GTF3C5: variants seen among roughly 807,000 people sequenced by gnomAD.
GTF3C5 encodes general transcription factor 3C polypeptide 5.
A neutral mutation model predicts 61.0 loss-of-function variants in GTF3C5; 47 were observed. That is an observed-to-expected ratio of 0.77 (90% CI 0.61 to 0.98). GTF3C5 has a LOEUF of 0.98. Among genes scored for constraint, GTF3C5 ranks in the 50% least tolerant of loss-of-function variants. The pLI, the probability that GTF3C5 is intolerant of heterozygous loss-of-function variation, is 0.00. For synonymous variants in GTF3C5, 295 were observed against 275.4 expected (o/e 1.07, Z -0.71); for missense variants, 659 against 703.3 (o/e 0.94, Z 0.71).
chr9:133,056,967 A>G, intron 10 of GTF3C5, 59 bp downstream of exon 10: 1 of 1,476,214 alleles, frequency 6.8e-7, no homozygotes, highest in East Asian at 2.5e-5. Flanking sequence ...TTTGAGACAG[A>G]GGTGTCCCTA....
At chr9:133,049,517 T>A (rs1850309291) in intron 3 of GTF3C5, among the ~76,000 whole-genome samples, 1 of 152,008 alleles carries the variant, frequency 6.6e-6, no homozygotes, top group South Asian at 2.1e-4. Flanking sequence ...ATCACCCGAG[T>A]GAATTTGATG....
In GTF3C5 at chr9:133,056,205, C is replaced by T. The variant is rs925341158; in HGVS notation, c.1250+111C>T. On this transcript the variant is annotated intron_variant, in intron 9 of 10. Transcript: ENST00000372097. Reference sequence around the variant, plus strand: ...TCGGCCTTCATCTCCGGCAAGAGCACTCGCCTGTCTGGGAGTTTGGTGCTG... The same window carrying T: ...TCGGCCTTCATCTCCGGCAAGAGCATTCGCCTGTCTGGGAGTTTGGTGCTG... 5.9e-6 allele frequency: 5 copies of T among 845,510 alleles called. No individual in the cohort carries two copies. In the African/African-American group the frequency reaches 8.4e-5, roughly 14 times the overall value. 52.4% of individuals were successfully genotyped at this position (845,510 alleles called of 1,614,324 possible). A position where few individuals can be genotyped will look rare whatever the true frequency, so the allele number is the denominator to read the frequency against.
In GTF3C5 at chr9:133,049,235, G is replaced by A. The variant is rs368387127; in HGVS notation, c.573-1548G>A. ...GTCTGGGGATGCAGCCAAGGCTGCC[G>A]CAGCCTCTCCCTACAGGGTTGGGCA... On this transcript the variant is annotated intron_variant, in intron 3 of 10. Transcript: ENST00000372097. 5.3e-3 allele frequency among the ~76,000 whole-genome samples: 815 copies of A among 152,342 alleles called. 7 individuals carry two copies. The highest frequency in any genetic ancestry group is 0.019 in the African/African-American group (789 of 41,584).
chr9:133,054,907 C>T (rs879727352), intron 8 of GTF3C5, 98 bp downstream of exon 8: 23 of 1,542,460 alleles, frequency 1.5e-5, no homozygotes, highest in Non-Finnish European at 1.8e-5. Context: ...TAGGGCAGCT[C>T]TGCCCACCGG....
At position 133,058,286 on chromosome 9, in the gene GTF3C5, A is replaced by C; in HGVS notation, c.*306A>C. The C allele has an allele frequency of 2.0e-6, 1 of 492,676 alleles. No individual in the cohort carries two copies. Among genetic ancestry groups the C allele is most frequent in the South Asian group, 3.9e-5 (1 of 25,630 alleles). 30.5% of individuals were successfully genotyped at this position (492,676 alleles called of 1,614,324 possible). On this transcript the variant is annotated 3_prime_UTR_variant, in exon 11 of 11. Transcript: ENST00000372097. ...CAATGCCTCTCAGGATGAGACCAGTAAATGCCGGAGGTGGAGCTGGGCAGC... is the reference window on the plus strand; with the variant it reads ...CAATGCCTCTCAGGATGAGACCAGTCAATGCCGGAGGTGGAGCTGGGCAGC...
rs540601176 is a variant in GTF3C5 at position 133,036,954 on chromosome 9, C to T, written c.154-5133C>T. On this transcript the variant is annotated intron_variant, in intron 1 of 10. Coordinates refer to ENST00000372097, the MANE Select transcript of GTF3C5 (RefSeq NM_012087.4). The stretch of plus-strand genomic sequence containing the variant: ...CCTTGCAAATGGTTAAGGAGGTGGA[C>T]GGAGAGGGCAGCTATCCGTTCTGTA... Among the ~76,000 whole-genome samples, 8 of 152,106 alleles carry T rather than the reference C, an allele frequency of 5.3e-5. No individual in the cohort carries two copies. The South Asian group carries it at 6.2e-4, about 12-fold the overall frequency.
In GTF3C5 at chr9:133,052,150, A is replaced by G. The variant is rs1427395097; in HGVS notation, c.859A>G (p.Ile287Val). 11 of 1,585,190 alleles carry G rather than the reference A, an allele frequency of 6.9e-6. No individual in the cohort carries two copies. The highest frequency in any genetic ancestry group is 1.1e-5 in the South Asian group (1 of 89,474). ...PDKLKVLLPFIAYYMITGPWR... is the reference protein window; with the variant it reads ...PDKLKVLLPFVAYYMITGPWR... ...CAAGCTCAAGGTCTTGCTTCCCTTCATAGCCTATTACATGGTAAGTGTCAG... is the reference window on the plus strand; with the variant it reads ...CAAGCTCAAGGTCTTGCTTCCCTTCGTAGCCTATTACATGGTAAGTGTCAG... Residue 287 changes from isoleucine (I) to valine (V), a missense_variant, in exon 5 of 11, where the codon ATA becomes GTA. Coordinates refer to ENST00000372097, the MANE Select transcript of GTF3C5 (RefSeq NM_012087.4).
At chr9:133,040,150 T>G (rs183725272) in intron 1 of GTF3C5, among the ~76,000 whole-genome samples, 13 of 152,320 alleles carry the variant, frequency 8.5e-5, no homozygotes, top group Admixed American at 2.0e-4. Flanking sequence ...TTCTCATGTT[T>G]CTTGAGCACC....
chr9:133,055,468 G>A (rs950448439), intron 8 of GTF3C5: 20 of 1,216,700 alleles, frequency 1.6e-5, no homozygotes, highest in Middle Eastern at 4.9e-4. Context: ...TGCCTTCCCA[G>A]TGAGGGGCGA....
chr9:133,052,240 G>A (rs887003034), intron 5 of GTF3C5, 76 bp downstream of exon 5: 14 of 772,124 alleles, frequency 1.8e-5, no homozygotes, highest in African/African-American at 1.2e-4. Context: ...ATGTCTTAGA[G>A]CCACAGTAAG....
chr9:133,050,950 A>G lies in GTF3C5; in HGVS notation c.740A>G (p.Asp247Gly). The G allele has an allele frequency of 6.2e-7, 1 of 1,611,616 alleles. No homozygotes were observed. The highest frequency in any genetic ancestry group is 8.5e-7 in the Non-Finnish European group (1 of 1,178,950). ...TWRRVCTNPV[D>G]RKVEEELRKL... ...AGGAGAGTCTGCACTAACCCCGTGG[A>G]CCGGAAGGTGGAGGAGGAGCTGAGG... The change falls in exon 4 of 11, where the codon GAC (aspartate) becomes GGC (glycine). Residue 247 changes from aspartate to glycine, a missense_variant. By Grantham distance (94) the Asp-to-Gly change is moderately conservative. Coordinates refer to ENST00000372097, the MANE Select transcript of GTF3C5 (RefSeq NM_012087.4).
chr9:133,048,828 C>T (rs532782628), intron 3 of GTF3C5, among the ~76,000 whole-genome samples: 1 of 152,330 alleles, frequency 6.6e-6, no homozygotes, highest in Non-Finnish European at 1.5e-5. Flanking sequence ...CCCCAAGGCC[C>T]CCCTCCCTCC....
intron 1 of GTF3C5, among the ~76,000 whole-genome samples, chr9:133,039,449 G>T (rs1426300191): frequency 1.3e-5 from 2 of 152,012 alleles, no homozygotes; most frequent in African/African-American, 4.8e-5. Context: ...TGTCACCAAG[G>T]CTGGAGTGCA....
intron 4 of GTF3C5, among the ~76,000 whole-genome samples, chr9:133,051,520 TG>T (rs982529422): frequency 3.9e-5 from 6 of 152,244 alleles, no homozygotes; most frequent in Non-Finnish European, 7.3e-5. Context: ...CAGCAGTCAC[TG>T]GGGCACACTG....
At chr9:133,056,491 A>T (rs935097551) in intron 9 of GTF3C5, among the ~76,000 whole-genome samples, 1 of 152,178 alleles carries the variant, frequency 6.6e-6, no homozygotes, top group African/African-American at 2.4e-5. Context: ...CACATCAAAT[A>T]CATCTTGAAC....
At chr9:133,038,430 G>A (rs1050439357) in intron 1 of GTF3C5, among the ~76,000 whole-genome samples, 2 of 151,312 alleles carry the variant, frequency 1.3e-5, no homozygotes, top group South Asian at 2.1e-4. Context: ...GGAAGGGACT[G>A]TGGGGGAGAC....
rs770160384 is a variant in GTF3C5 at position 133,058,028 on chromosome 9, C to T, written c.*48C>T. 6.2e-7 allele frequency: 1 copy of T among 1,605,416 alleles called. No individual in the cohort carries two copies. The highest frequency in any genetic ancestry group is 1.3e-5 in the African/African-American group (1 of 74,312). On this transcript the variant is annotated 3_prime_UTR_variant, in exon 11 of 11. Transcript: ENST00000372097. ...CTGACCCGGCCAGACTGGTGTCTGG[C>T]CTAATGAGGGAGCCGGGGCTCCCCA...
In GTF3C5 at chr9:133,056,014, C is replaced by A. The variant is rs547161719; in HGVS notation, c.1170C>A (p.Asp390Glu). 6.2e-7 allele frequency: 1 copy of A among 1,614,122 alleles called. No homozygotes were observed. Among genetic ancestry groups the A allele is most frequent in the African/African-American group, 1.3e-5 (1 of 75,062 alleles). ...KPASSKYKLK[D>E]SVYIFREGAL... is the part of the protein sequence containing the mutation. ...TCTCTCTCCCCCTTTGTCACCAGGACTCTGTCTACATCTTCCGGGAAGGGG... is the reference window on the plus strand; with the variant it reads ...TCTCTCTCCCCCTTTGTCACCAGGAATCTGTCTACATCTTCCGGGAAGGGG... The change falls in exon 9 of 11, where the codon GAC becomes GAA. Residue 390 changes from aspartate to glutamate, a missense_variant and splice_region_variant. Transcript: ENST00000372097.
chr9:133,056,340 C>T (rs1024706739), intron 9 of GTF3C5, among the ~76,000 whole-genome samples: 57 of 152,364 alleles, frequency 3.7e-4, no homozygotes, highest in African/African-American at 1.3e-3. Flanking sequence ...GCTCCTCTTC[C>T]ACTGTCCACA....
Sources: gnomAD v4.1 joint callset for allele counts (sites outside exome capture counted in the v4.1 genomes callset) on GRCh38, gnomAD v4.1.1 for gene constraint, MANE v1.5 for transcripts, NCBI Gene and HGNC (gene_info 2026-07-23, HGNC 2026-07-21) for gene names.